The following CIZ1 variants were observed in gnomAD, a reference collection of about 807,000 sequenced individuals.
CIZ1 encodes the protein cip1-interacting zinc finger protein.
CIZ1 carries 58 observed loss-of-function variants against 118.6 expected under a neutral mutation model. The observed-to-expected ratio is 0.49, with a 90% confidence interval of 0.40 to 0.61. The LOEUF (loss-of-function observed/expected upper bound fraction) is 0.61, where lower values mean the gene tolerates loss of function less well. Among genes scored for constraint, CIZ1 ranks in the 20% least tolerant of loss-of-function variants. The pLI, the probability that CIZ1 is intolerant of heterozygous loss-of-function variation, is 0.00. For missense variants in CIZ1, 921 were observed against 1,115.9 expected, an observed-to-expected ratio of 0.83 and a Z score of 2.49; for synonymous variants, 448 against 443.4, an observed-to-expected ratio of 1.01 and a Z score of -0.13.
rs1833675966 is a variant in CIZ1 at position 128,203,900 on chromosome 9, A to T, written c.-6+286T>A. ...TCCGTCCCATCCTTTAGGGCAGACA[A>T]CGCTCTGCCAGAAGCCCCGGGCAAA... On this transcript the variant is annotated intron_variant, in intron 1 of 17. Transcript: ENST00000372948. The surrounding 1 kb of genome is among the most constrained non-coding windows in gnomAD (Gnocchi z 5.3). Among the ~76,000 whole-genome samples the T allele has an allele frequency of 6.6e-6, 1 of 151,820 alleles. No individual in the cohort carries two copies. The highest frequency in any genetic ancestry group is 2.4e-5 in the African/African-American group (1 of 41,332).
At chr9:128,183,586 G>A (rs1194014683) in intron 5 of CIZ1, among the ~76,000 whole-genome samples, 1 of 152,264 alleles carries the variant, frequency 6.6e-6, no homozygotes, top group East Asian at 1.9e-4. Context: ...AGTCTAGGGA[G>A]GGGGTGAGCC....
Position 128,176,340 on chromosome 9 carries a change from C to T in CIZ1, c.1943+11G>A. On this transcript the variant is annotated intron_variant, in intron 11 of 16. Transcript: ENST00000372938. ...CCCCCCAACACAGAGCTTCCACGAT[C>T]CCCCACTCACTCATCCTCTGTCTCC... 1 of 1,613,222 alleles carries T rather than the reference C, an allele frequency of 6.2e-7. No homozygotes were observed. Among genetic ancestry groups the T allele is most frequent in the Non-Finnish European group, 8.5e-7 (1 of 1,179,484 alleles).
At chr9:128,171,763 A>T (rs1330964051) in intron 11 of CIZ1, among the ~76,000 whole-genome samples, 1 of 151,846 alleles carries the variant, frequency 6.6e-6, no homozygotes, top group Non-Finnish European at 1.5e-5. Flanking sequence ...AATAAATAAA[A>T]TAATACTTAT....
chr9:128,198,599 C>T lies in CIZ1; in HGVS notation c.-6+5587G>A, dbSNP rs576496596. 8.9e-4 allele frequency among the ~76,000 whole-genome samples: 136 copies of T among 152,022 alleles called. 4 individuals carry two copies. The South Asian group carries it at 0.027, about 30-fold the overall frequency. ...CTGTAATCCCAGCACTTTGGGAGGC[C>T]GAGGCGGGCAGATCACGAGGTCAGG... On this transcript the variant is annotated intron_variant, in intron 1 of 17. Coordinates refer to the CIZ1 transcript ENST00000372948.
chr9:128,187,885 G>A lies in CIZ1; in HGVS notation c.336C>T (p.Leu112=). The part of the protein sequence containing the change: ...MPPATYDTAG[L]TMPTATLGNL... ...TACCCAGTGTTGCTGTGGGCATGGTGAGACCGGCAGTGTCATACGTGGCTG... is the reference window on the plus strand; with the variant it reads ...TACCCAGTGTTGCTGTGGGCATGGTAAGACCGGCAGTGTCATACGTGGCTG... The change falls in exon 4 of 17, where the codon CTC becomes CTT. Residue 112 remains leucine (L), a synonymous_variant. Transcript: ENST00000372938. 1.3e-6 allele frequency: 1 copy of A among 748,234 alleles called. No homozygotes were observed. The highest frequency in any genetic ancestry group is 2.5e-6 in the Non-Finnish European group (1 of 400,682). 46.3% of individuals were successfully genotyped at this position (748,234 alleles called of 1,614,324 possible).
At chr9:128,191,790 C>T (rs10987918), upstream of CIZ1, 3,027 of 1,431,900 alleles carry the variant, frequency 2.1e-3, 58 homozygotes, top group African/African-American at 0.04. This position sits in a 1 kb window ranked among gnomAD's most constrained non-coding sequence, Gnocchi z 5.5. Context: ...GGTCCGTCTG[C>T]CGCCCGGAAG....
At chr9:128,188,240 G>A (rs774733761) in intron 3 of CIZ1, among the ~76,000 whole-genome samples, 4 of 151,878 alleles carry the variant, frequency 2.6e-5, no homozygotes, top group Non-Finnish European at 5.9e-5. Flanking sequence ...AAATCCTATG[G>A]TAAACGATCA....
At chr9:128,180,566 C>G (rs756609489) in intron 6 of CIZ1, 43 bp from the exon 7 acceptor site, 1 of 1,551,674 alleles carries the variant, frequency 6.4e-7, no homozygotes, top group East Asian at 2.2e-5. Context: ...TTGGGAAGAG[C>G]AAGCATCTCT....
chr9:128,194,870 C>T (rs751816803), upstream of CIZ1, among the ~76,000 whole-genome samples: 9 of 152,256 alleles, frequency 5.9e-5, no homozygotes, highest in Non-Finnish European at 1.0e-4. Flanking sequence ...CAGTCTGGAG[C>T]GCAGTGGCAC....
At chr9:128,174,011 C>G (rs767196083) in intron 11 of CIZ1, among the ~76,000 whole-genome samples, 4 of 76,740 alleles carry the variant, frequency 5.2e-5, no homozygotes, top group Non-Finnish European at 1.3e-4. Context: ...ATCTCAAAAA[C>G]AAAACAAAAA....
At position 128,170,091 on chromosome 9, in the gene CIZ1, G is replaced by A. The variant is rs755176767; in HGVS notation, c.1960C>T (p.Arg654Cys). Residue 654 changes from arginine (R) to cysteine (C), a missense_variant, in exon 12 of 17, where the codon CGC (arginine) becomes TGC (cysteine). Arg to Cys is a radical substitution (Grantham distance 180). Coordinates refer to ENST00000372938, the MANE Select transcript of CIZ1 (RefSeq NM_001131016.2). ...ETEDEEPPPR[R>C]WCNTCQLYYM... ...TAGAGCTGGCAGGTGTTGCACCAGC[G>A]CCTTGGTGGAGGCTCCCTGAATGAC... 12 of 1,608,678 alleles carry A rather than the reference G, an allele frequency of 7.5e-6. No individual in the cohort carries two copies. Among genetic ancestry groups the A allele is most frequent in the South Asian group, 1.1e-5 (1 of 90,664 alleles).
Position 128,180,416 on chromosome 9 carries a change from T to G in CIZ1, c.790A>C (p.Ser264Arg). Residue 264 changes from serine (S) to arginine (R), a missense_variant and splice_region_variant, in exon 7 of 17, where the codon AGC becomes CGC. Physicochemically the swap from Ser to Arg is moderately radical, Grantham distance 110. Coordinates refer to ENST00000372938, the MANE Select transcript of CIZ1 (RefSeq NM_001131016.2). ...GGTCAGGTTTTCAGCATCAGTTACCTCCTCAATCTCTTTGCTGGCAGCTCG... is the reference window on the plus strand; with the variant it reads ...GGTCAGGTTTTCAGCATCAGTTACCGCCTCAATCTCTTTGCTGGCAGCTCG... ...ASELPAKRLR[S>R]SEEPTEKEPP... 6.2e-7 allele frequency: 1 copy of G among 1,612,900 alleles called. No individual in the cohort carries two copies. Among genetic ancestry groups the G allele is most frequent in the Non-Finnish European group, 8.5e-7 (1 of 1,178,912 alleles).
chr9:128,169,503 A>G lies in CIZ1; in HGVS notation c.2048T>C (p.Leu683Ser). ...TQDHKIAKQS[L>S]RPFCTVCNRY... is the part of the protein sequence containing the mutation. ...GTTGCAAACGGTGCAGAAGGGTCGC[A>G]AGGATTGTTTGGCAATCTGGAAAAA... Residue 683 changes from leucine to serine, a missense_variant, in exon 13 of 17, where the codon TTG becomes TCG. By Grantham distance (145) the Leu-to-Ser change is moderately radical. Transcript: ENST00000372938. 6.2e-7 allele frequency: 1 copy of G among 1,614,206 alleles called. No homozygotes were observed. The highest frequency in any genetic ancestry group is 8.5e-7 in the Non-Finnish European group (1 of 1,180,012).
At chr9:128,169,746 CAGAG>C (rs1829904939) in intron 12 of CIZ1, 2 of 1,520,140 alleles carry the variant, frequency 1.3e-6, no homozygotes, top group Admixed American at 2.0e-5. Flanking sequence ...AGGACAGACA[CAGAG>C]AGAAGACGAG....
In CIZ1 at chr9:128,166,396, G is replaced by A. The variant is rs759206711; in HGVS notation, c.2498C>T (p.Ala833Val). 18 of 1,535,908 alleles carry A rather than the reference G, an allele frequency of 1.2e-5. No individual in the cohort carries two copies. Among genetic ancestry groups the A allele is most frequent in the African/African-American group, 5.5e-5 (4 of 72,912 alleles). Reference sequence around the variant, plus strand: ...GGTGGTGGGGCTGGGGTTCTTGGCCGCCTTGTATTTCTGGATACAGAAGGT... The same window carrying A: ...GGTGGTGGGGCTGGGGTTCTTGGCCACCTTGTATTTCTGGATACAGAAGGT... The part of the protein sequence containing the change: ...GHFENLQKYK[A>V]AKNPSPTTRP... Residue 833 changes from alanine (A) to valine (V), a missense_variant, in exon 17 of 17, where the codon GCG becomes GTG. Physicochemically the swap from Ala to Val is moderately conservative, Grantham distance 64 (BLOSUM62 0). Transcript: ENST00000372938. The surrounding 1 kb of genome is among the most constrained non-coding windows in gnomAD (Gnocchi z 4.4).
chr9:128,191,631 C>T, upstream of CIZ1: 4 of 1,222,472 alleles, frequency 3.3e-6, no homozygotes, highest in Non-Finnish European at 4.1e-6. This position sits in a 1 kb window ranked among gnomAD's most constrained non-coding sequence, Gnocchi z 5.5. Context: ...GAGGTCCAGG[C>T]GCCTCCGGCC....
upstream of CIZ1, chr9:128,191,784 C>G (rs1833188542): frequency 4.2e-6 from 6 of 1,428,248 alleles, no homozygotes; most frequent in South Asian, 5.7e-5. The surrounding 1 kb of genome is among the most constrained non-coding windows in gnomAD (Gnocchi z 5.5). Flanking sequence ...GACCAAGGTC[C>G]GTCTGCCGCC....
Position 128,172,719 on chromosome 9 carries a change from G to A in CIZ1, c.1944-2612C>T, listed in dbSNP as rs188641615. 9.0e-3 allele frequency among the ~76,000 whole-genome samples: 1,376 copies of A among 152,244 alleles called. 14 individuals carry two copies. The highest frequency in any genetic ancestry group is 0.031 in the African/African-American group (1,273 of 41,530). ...TGTATAAATCCAGAAAGGATCACAA[G>A]AAGAACTAGGTCAAAATGTAAACAG... On this transcript the variant is annotated intron_variant, in intron 11 of 16. Coordinates refer to ENST00000372938, the MANE Select transcript of CIZ1 (RefSeq NM_001131016.2).
rs748153430 is a variant in CIZ1 at position 128,169,399 on chromosome 9, AG to A, written c.2145+6del. ...GGGCCCATGTCCTCTGAGGGAGCTC[AG>A]GTTACCTCCTTGGCTTTGTCCTTAT... On this transcript the variant is annotated splice_donor_region_variant and intron_variant, in intron 13 of 16. Coordinates refer to ENST00000372938, the MANE Select transcript of CIZ1 (RefSeq NM_001131016.2). 6.2e-7 allele frequency: 1 copy of A among 1,611,224 alleles called. No homozygotes were observed. Among genetic ancestry groups the A allele is most frequent in the Admixed American group, 1.7e-5 (1 of 60,004 alleles).
Sources: allele counts gnomAD v4.1 joint callset (sites outside exome capture counted in the v4.1 genomes callset), GRCh38; gene constraint gnomAD v4.1.1; non-coding constraint Gnocchi (gnomAD v3.1); transcripts MANE v1.5; gene names NCBI Gene and HGNC (gene_info 2026-07-23, HGNC 2026-07-21).